CNTN5: variants seen among roughly 807,000 people sequenced by gnomAD.
CNTN5 encodes contactin-5.
A neutral mutation model predicts 129.1 loss-of-function variants in CNTN5; 77 were observed. The observed-to-expected ratio is 0.60, with a 90% CI of 0.50 to 0.72. The LOEUF (loss-of-function observed/expected upper bound fraction) is 0.72. Ranked by LOEUF, CNTN5 falls within the 30% of genes least tolerant of loss-of-function variation. CNTN5 has a pLI of 0.00. For missense variants in CNTN5, 1,478 were observed against 1,328.8 expected (o/e 1.11, Z -1.75); for synonymous variants, 509 against 465.6 (o/e 1.09, Z -1.20).
At chr11:99,599,109 G>T (rs562427186) in intron 3 of CNTN5, among the ~76,000 whole-genome samples, 157 of 151,592 alleles carry the variant, frequency 1.0e-3, no homozygotes, top group Non-Finnish European at 1.9e-3. Context: ...TTAAAGCAGT[G>T]AAATATTGTA....
intron 13 of CNTN5, among the ~76,000 whole-genome samples, chr11:100,086,466 A>G (rs2137963876): frequency 6.7e-6 from 1 of 150,280 alleles, no homozygotes. Context: ...AAAAATAAAT[A>G]TAATGAAAAG....
chr11:99,823,930 G>C (rs1000136328), intron 4 of CNTN5, among the ~76,000 whole-genome samples: 14 of 151,976 alleles, frequency 9.2e-5, no homozygotes, highest in African/African-American at 2.2e-4. Context: ...GTGTATATCA[G>C]TCATGATCCA....
rs5794032 is a variant in CNTN5 at position 99,954,358 on chromosome 11, T to TA, written c.674-2439dup. On this transcript the variant is annotated intron_variant, in intron 7 of 24. Transcript: ENST00000524871. ...TAGTTGCTTTAGATAACCATACTGT[T>TA]AAAAAAAAACCTTAAAAAGTGGGAA... 2.4e-4 allele frequency among the ~76,000 whole-genome samples: 37 copies of TA among 151,816 alleles called. 1 individual carries two copies. The highest frequency in any genetic ancestry group is 1.4e-3 in the Admixed American group (21 of 15,236).
At chr11:99,662,575 A>C (rs74924343) in intron 3 of CNTN5, among the ~76,000 whole-genome samples, 1,573 of 152,322 alleles carry the variant, frequency 0.01, 16 homozygotes, top group South Asian at 0.019. Flanking sequence ...TTATCTTCAA[A>C]ATTTTTAAAG....
intron 3 of CNTN5, among the ~76,000 whole-genome samples, chr11:99,817,244 A>G (rs769831473): frequency 4.6e-5 from 7 of 152,232 alleles, no homozygotes; most frequent in Non-Finnish European, 1.0e-4. Flanking sequence ...GAATGAATCA[A>G]TTGCCACATT....
At chr11:99,254,172 G>A (rs902377760) in intron 1 of CNTN5, among the ~76,000 whole-genome samples, 1 of 151,800 alleles carries the variant, frequency 6.6e-6, no homozygotes, top group Admixed American at 6.6e-5. Flanking sequence ...GTGGACTGGG[G>A]TGGTTGAACG....
At chr11:99,073,504 G>A (rs1229808068) in intron 1 of CNTN5, among the ~76,000 whole-genome samples, 1 of 149,482 alleles carries the variant, frequency 6.7e-6, no homozygotes, top group Non-Finnish European at 1.5e-5. Context: ...TAGGTTTTAA[G>A]CCTCGCATGC....
chr11:99,334,990 A>C (rs1481879093), intron 2 of CNTN5, among the ~76,000 whole-genome samples: 1 of 152,180 alleles, frequency 6.6e-6, no homozygotes, highest in African/African-American at 2.4e-5. Flanking sequence ...TTGAAACAAT[A>C]ATGGACATTC....
At chr11:99,593,283 A>G (rs1374087816) in intron 3 of CNTN5, among the ~76,000 whole-genome samples, 3 of 152,128 alleles carry the variant, frequency 2.0e-5, no homozygotes, top group Non-Finnish European at 4.4e-5. Flanking sequence ...CCTGAAGGAT[A>G]TGTAATAAAA....
At chr11:99,110,853 CAGA>C (rs1421211242) in intron 1 of CNTN5, among the ~76,000 whole-genome samples, 4 of 151,966 alleles carry the variant, frequency 2.6e-5, no homozygotes, top group African/African-American at 9.7e-5. Flanking sequence ...ACAGAGTACC[CAGA>C]AGAACTGTGA....
chr11:99,112,875 A>C (rs567606757), intron 1 of CNTN5, among the ~76,000 whole-genome samples: 15 of 152,048 alleles, frequency 9.9e-5, no homozygotes, highest in Admixed American at 5.2e-4. Context: ...CATTCTTTTT[A>C]CTATCCCCCT....
chr11:99,211,193 T>G (rs1183804595), intron 1 of CNTN5, among the ~76,000 whole-genome samples: 1 of 152,122 alleles, frequency 6.6e-6, no homozygotes, highest in African/African-American at 2.4e-5. Flanking sequence ...TTCTATAAAA[T>G]CTCTACTTTC....
At chr11:99,189,136 TTC>T (rs1479006049) in intron 1 of CNTN5, among the ~76,000 whole-genome samples, 1 of 151,726 alleles carries the variant, frequency 6.6e-6, no homozygotes, top group Non-Finnish European at 1.5e-5. Context: ...GTCCTCCCAG[TTC>T]AACCATGTTA....
chr11:99,772,162 AT>A (rs541345666), intron 3 of CNTN5, among the ~76,000 whole-genome samples: 136 of 144,424 alleles, frequency 9.4e-4, no homozygotes, highest in Admixed American at 2.2e-3. Context: ...CAATTACTTC[AT>A]TTTTTTTTTT....
In CNTN5 at chr11:99,179,961, A is replaced by G. The variant is rs562344310; in HGVS notation, c.-209-145385A>G. ...ATGTTTTAGTTACTGTATTCAAAAT[A>G]TTATATTCTCTCTATATCTCCCTGA... is the stretch of plus-strand genomic sequence containing the variant. On this transcript the variant is annotated intron_variant, in intron 1 of 24. Transcript: ENST00000524871. Among the ~76,000 whole-genome samples, 5 of 152,330 alleles carry G rather than the reference A, an allele frequency of 3.3e-5. No homozygotes were observed. In the South Asian group the frequency reaches 1.0e-3, roughly 32 times the overall value.
At chr11:99,336,813 G>A (rs528408335) in intron 2 of CNTN5, among the ~76,000 whole-genome samples, 10 of 151,470 alleles carry the variant, frequency 6.6e-5, no homozygotes, top group Non-Finnish European at 1.2e-4. Flanking sequence ...GGGTGACAGA[G>A]TGAGACTCTG....
At chr11:99,701,273 A>G (rs1386595352) in intron 3 of CNTN5, among the ~76,000 whole-genome samples, 2 of 151,262 alleles carry the variant, frequency 1.3e-5, no homozygotes, top group Non-Finnish European at 1.5e-5. Flanking sequence ...AGTGGAAGAG[A>G]TGGAACCTGA....
chr11:99,892,946 C>T (rs1401044629), intron 6 of CNTN5, among the ~76,000 whole-genome samples: 1 of 152,134 alleles, frequency 6.6e-6, no homozygotes, highest in African/African-American at 2.4e-5. Flanking sequence ...GATATTGATT[C>T]TTCCTATCCA....
At chr11:99,056,913 ACTTTT>A (rs995285578) in intron 1 of CNTN5, among the ~76,000 whole-genome samples, 2 of 152,038 alleles carry the variant, frequency 1.3e-5, no homozygotes, top group South Asian at 2.1e-4. Flanking sequence ...TTTGAATGTA[ACTTTT>A]CTTTTATTTG....
Sources: allele counts gnomAD v4.1 joint callset (sites outside exome capture counted in the v4.1 genomes callset), GRCh38; gene constraint gnomAD v4.1.1; transcripts MANE v1.5; gene names NCBI Gene and HGNC (gene_info 2026-07-23, HGNC 2026-07-21).